FGR: variants seen among roughly 807,000 people sequenced by gnomAD.
FGR encodes the protein tyrosine-protein kinase Fgr.
FGR carries 26 observed loss-of-function variants against 63.2 expected under a neutral mutation model. The observed-to-expected ratio is 0.41, with a 90% CI of 0.30 to 0.57. The LOEUF (loss-of-function observed/expected upper bound fraction) is 0.57. Among genes scored for constraint, FGR ranks in the 20% least tolerant of loss-of-function variants. The pLI is 0.27. For synonymous variants in FGR, 286 were observed against 277.7 expected (o/e 1.03, Z -0.30); for missense variants, 511 against 690.8 (o/e 0.74, Z 2.92).
chr1:27,633,591 A>G lies in FGR; in HGVS notation c.-77+1474T>C, dbSNP rs1198639105. 8.5e-5 allele frequency among the ~76,000 whole-genome samples: 13 copies of G among 152,148 alleles called. No individual in the cohort carries two copies. The East Asian group carries it at 2.1e-3, about 25-fold the overall frequency. On this transcript the variant is annotated intron_variant, in intron 1 of 12. Coordinates refer to ENST00000374005, the MANE Select transcript of FGR (RefSeq NM_005248.3). ...TTTTTGTTGTTGTTGTTGTTTACAG[A>G]CAAAATCTCACTCTCTCATCCAGGA...
At chr1:27,619,988 G>C (rs1341552706) in intron 5 of FGR, among the ~76,000 whole-genome samples, 2 of 152,032 alleles carry the variant, frequency 1.3e-5, no homozygotes, top group African/African-American at 4.8e-5. Flanking sequence ...AGCTTTTTGA[G>C]CCTCAGTTTC....
intron 1 of FGR, among the ~76,000 whole-genome samples, chr1:27,631,003 A>G (rs1331176738): frequency 1.3e-5 from 2 of 152,198 alleles, no homozygotes; most frequent in East Asian, 1.9e-4. Context: ...GCTTCATGAC[A>G]TGTGGCTCTT....
chr1:27,618,811 C>CTG (rs1375167709), intron 5 of FGR, among the ~76,000 whole-genome samples: 18 of 152,346 alleles, frequency 1.2e-4, no homozygotes, highest in Admixed American at 3.9e-4. Context: ...TTCCATCTTG[C>CTG]CGTCAACATT....
chr1:27,614,632 A>T (rs768961962), intron 10 of FGR, 49 bp from the exon 11 acceptor site: 2 of 1,598,966 alleles, frequency 1.3e-6, no homozygotes, highest in Non-Finnish European at 1.7e-6. Flanking sequence ...GACTCACAAC[A>T]CCGTGGCCTG....
chr1:27,630,305 G>A (rs951721605), intron 1 of FGR, among the ~76,000 whole-genome samples: 3 of 152,096 alleles, frequency 2.0e-5, no homozygotes, highest in African/African-American at 7.2e-5. Flanking sequence ...TGCCCGCCTC[G>A]GCCTCCCAAA....
intron 10 of FGR, 39 bp downstream of exon 10, chr1:27,614,811 G>GT (rs1050721631): frequency 6.5e-7 from 1 of 1,535,298 alleles, no homozygotes; most frequent in African/African-American, 1.4e-5. Flanking sequence ...CAGTTAATAG[G>GT]TGGGAGGTCC....
chr1:27,621,142 T>C (rs1194917365), intron 5 of FGR, among the ~76,000 whole-genome samples: 2 of 152,146 alleles, frequency 1.3e-5, no homozygotes, highest in African/African-American at 2.4e-5. Flanking sequence ...TACAATTTTT[T>C]AAAGCTCATA....
chr1:27,614,143 C>T (rs1203573472), intron 11 of FGR, among the ~76,000 whole-genome samples: 2 of 152,198 alleles, frequency 1.3e-5, no homozygotes, highest in Non-Finnish European at 2.9e-5. Context: ...ATAGCTGTGC[C>T]TGTCACATAG....
chr1:27,621,037 GAAAAGAAAAACA>G lies in FGR; in HGVS notation c.428+510_428+521del, dbSNP rs201283255. Among the ~76,000 whole-genome samples, 56 of 81,810 alleles carry G rather than the reference GAAAAGAAAAACA, an allele frequency of 6.8e-4. No homozygotes were observed. The Middle Eastern group carries it at 0.022, about 32-fold the overall frequency. 53.7% of individuals were successfully genotyped at this position (81,810 alleles called of 152,430 possible). A position where few individuals can be genotyped will look rare whatever the true frequency, so the allele number is the denominator to read the frequency against. On this transcript the variant is annotated intron_variant, in intron 5 of 12. Transcript: ENST00000374005. ...AAAAAAAAGAAAGAAAGAAAGAAAAGAAAAGAAAAACAAAAAGAAAAAGAAAAAGAAAAATTC... is the reference window on the plus strand; with the variant it reads ...AAAAAAAAGAAAGAAAGAAAGAAAAGAAAAGAAAAAGAAAAAGAAAAATTC...
rs992374495 is a variant in FGR at position 27,612,558 on chromosome 1, G to C, written c.*356C>G. 9.3e-6 allele frequency: 2 copies of C among 214,404 alleles called. No individual in the cohort carries two copies. The highest frequency in any genetic ancestry group is 4.6e-5 in the African/African-American group (2 of 43,658). 13.3% of individuals were successfully genotyped at this position (214,404 alleles called of 1,614,324 possible). A position where few individuals can be genotyped will look rare whatever the true frequency, so the allele number is the denominator to read the frequency against. On this transcript the variant is annotated 3_prime_UTR_variant, in exon 13 of 13. Coordinates refer to ENST00000374005, the MANE Select transcript of FGR (RefSeq NM_005248.3). Reference sequence around the variant, plus strand: ...ACTAGAGTGAGATAAAAGGAGAGTAGGAAAGCAGTGATAGGAGAGAAGTGA... The same window carrying C: ...ACTAGAGTGAGATAAAAGGAGAGTACGAAAGCAGTGATAGGAGAGAAGTGA...
intron 10 of FGR, 92 bp from the exon 11 acceptor site, chr1:27,614,675 C>A: frequency 6.7e-7 from 1 of 1,485,958 alleles, no homozygotes; most frequent in Non-Finnish European, 9.2e-7. Flanking sequence ...GAAAAACCCA[C>A]TTTCCAGAGG....
At chr1:27,629,011 C>T (rs1044599467) in intron 1 of FGR, among the ~76,000 whole-genome samples, 10 of 151,984 alleles carry the variant, frequency 6.6e-5, no homozygotes, top group Admixed American at 4.6e-4. Context: ...TAGCCATGTT[C>T]ATGCTGTTTT....
intron 3 of FGR, chr1:27,623,381 TTCCCCACCAAGAAGAC>T (rs1425912432): frequency 1.7e-6 from 1 of 592,974 alleles, no homozygotes; most frequent in East Asian, 2.8e-5. Context: ...ACTCCTCCTC[TTCCCCACCAAGAAGAC>T]TTCCCATCTG....
chr1:27,624,928 C>T (rs1158473605), intron 2 of FGR, among the ~76,000 whole-genome samples, 161 bp downstream of exon 2: 2 of 152,092 alleles, frequency 1.3e-5, no homozygotes, highest in African/African-American at 2.4e-5. Context: ...TGTCGTGGGT[C>T]CAGCCTTCAG....
intron 10 of FGR, 27 bp from the exon 11 acceptor site, chr1:27,614,610 G>C (rs527745563): frequency 1.2e-6 from 2 of 1,611,400 alleles, no homozygotes; most frequent in African/African-American, 2.7e-5. Context: ...TGGAGAGATG[G>C]GAGCTCATGT....
Position 27,615,145 on chromosome 1 carries a change from G to A in FGR, c.1019-219C>T, listed in dbSNP as rs1007209934. Among the ~76,000 whole-genome samples the A allele has an allele frequency of 1.2e-4, 18 of 151,554 alleles. No homozygotes were observed. Among genetic ancestry groups the A allele is most frequent in the East Asian group, 5.8e-4 (3 of 5,160 alleles). On this transcript the variant is annotated intron_variant, in intron 9 of 12. Transcript: ENST00000374005. The surrounding 1 kb of genome is among the most constrained non-coding windows in gnomAD (Gnocchi z 7.6). Reference sequence around the variant, plus strand: ...TTCTGTTCCTTGGTGTTCCGGACACGACCCACCCAGACTCCGCCCCAGACC... The same window carrying A: ...TTCTGTTCCTTGGTGTTCCGGACACAACCCACCCAGACTCCGCCCCAGACC...
Position 27,621,933 on chromosome 1 carries a change from G to A in FGR, c.330-276C>T, listed in dbSNP as rs151261019. Among the ~76,000 whole-genome samples the A allele has an allele frequency of 3.4e-4, 52 of 152,252 alleles. No individual in the cohort carries two copies. In the East Asian group the frequency reaches 7.7e-3, roughly 23 times the overall value. ...TTGGGCTGGGGATTGGGAATTCAGA[G>A]GACAGCTGACTAGGTCACTTCCCCA... On this transcript the variant is annotated intron_variant, in intron 4 of 12. Coordinates refer to ENST00000374005, the MANE Select transcript of FGR (RefSeq NM_005248.3).
At chr1:27,634,600 C>T (rs115281352) in intron 1 of FGR, among the ~76,000 whole-genome samples, 1,719 of 152,098 alleles carry the variant, frequency 0.011, 29 homozygotes, top group African/African-American at 0.039. Context: ...CCCGCCAGCT[C>T]CCTCTCCTGT....
At position 27,615,617 on chromosome 1, in the gene FGR, C is replaced by A. The variant is rs753043110; in HGVS notation, c.839-4G>T. The A allele has an allele frequency of 1.2e-6, 2 of 1,604,182 alleles. No individual in the cohort carries two copies. The highest frequency in any genetic ancestry group is 1.7e-6 in the Non-Finnish European group (2 of 1,172,012). On this transcript the variant is annotated splice_region_variant and splice_polypyrimidine_tract_variant and intron_variant, in intron 8 of 12. Transcript: ENST00000374005. The surrounding 1 kb of genome is among the most constrained non-coding windows in gnomAD (Gnocchi z 7.6). ...TTAGTGCTGCCGTTCCACGTGCCTG[C>A]TCGGAGGCTGTCTTGTCAGGACCCT...
Sources: gnomAD v4.1 joint callset for allele counts (sites outside exome capture counted in the v4.1 genomes callset) on GRCh38, gnomAD v4.1.1 for gene constraint, Gnocchi (gnomAD v3.1) non-coding constraint, MANE v1.5 for transcripts, NCBI Gene and HGNC (gene_info 2026-07-23, HGNC 2026-07-21) for gene names.